Variants in PRKG1 observed in about 807,000 individuals in gnomAD.
The protein encoded by PRKG1 is protein kinase cGMP-dependent 1.
A neutral mutation model predicts 88.1 loss-of-function variants in PRKG1; 35 were observed. The ratio of observed to expected loss-of-function variants is 0.40; its 90% CI spans 0.30 to 0.53. The LOEUF is 0.53. Among genes scored for constraint, PRKG1 ranks in the 20% least tolerant of loss-of-function variants. The pLI is 0.59. For missense variants in PRKG1, 540 were observed against 839.8 expected, an observed-to-expected ratio of 0.64 and a Z score of 4.41; for synonymous variants, 303 against 292.5, an observed-to-expected ratio of 1.04 and a Z score of -0.37.
chr10:51,722,035 G>A (rs1199006635), intron 3 of PRKG1, among the ~76,000 whole-genome samples: 1 of 152,162 alleles, frequency 6.6e-6, no homozygotes, highest in Non-Finnish European at 1.5e-5. Context: ...TTCAAGACCA[G>A]CCTGGCCAAG....
intron 5 of PRKG1, among the ~76,000 whole-genome samples, chr10:51,929,561 G>A (rs528064782): frequency 9.2e-5 from 14 of 152,070 alleles, no homozygotes; most frequent in African/African-American, 3.4e-4. Flanking sequence ...ATGTTGGCCA[G>A]GCTGGCCTTG....
At chr10:51,633,431 T>C (rs1216825525) in intron 3 of PRKG1, among the ~76,000 whole-genome samples, 1 of 151,674 alleles carries the variant, frequency 6.6e-6, no homozygotes, top group Non-Finnish European at 1.5e-5. Flanking sequence ...CAAAAGCACA[T>C]ATAAATCAAG....
At chr10:51,832,259 G>T (rs547547653) in intron 4 of PRKG1, among the ~76,000 whole-genome samples, 1 of 152,180 alleles carries the variant, frequency 6.6e-6, no homozygotes, top group African/African-American at 2.4e-5. Flanking sequence ...TTAAATTCAT[G>T]CTTATTACAC....
chr10:51,415,313 C>T (rs1838206863), intron 2 of PRKG1, among the ~76,000 whole-genome samples: 2 of 152,182 alleles, frequency 1.3e-5, no homozygotes, highest in East Asian at 1.9e-4. Context: ...TCATTTTACA[C>T]ATAAGTAAAA....
chr10:51,933,686 C>G lies in PRKG1; in HGVS notation c.762+26116C>G, dbSNP rs145528239. Among the ~76,000 whole-genome samples, 691 of 151,696 alleles carry G rather than the reference C, an allele frequency of 4.6e-3. 7 individuals carry two copies. Among genetic ancestry groups the G allele is most frequent in the African/African-American group, 0.016 (658 of 41,388 alleles). Reference sequence around the variant, plus strand: ...AAAAAATTTGTGCCTTAGGTTTTCTCTAGTAAATAATAATACTTCTGATGT... The same window carrying G: ...AAAAAATTTGTGCCTTAGGTTTTCTGTAGTAAATAATAATACTTCTGATGT... On this transcript the variant is annotated intron_variant, in intron 5 of 17. Coordinates refer to ENST00000373980, the MANE Select transcript of PRKG1 (RefSeq NM_006258.4).
Position 51,658,147 on chromosome 10 carries a change from G to A in PRKG1, c.593-146438G>A, listed in dbSNP as rs566345206. 6.2e-4 allele frequency among the ~76,000 whole-genome samples: 95 copies of A among 152,208 alleles called. 1 individual carries two copies. In the South Asian group the frequency reaches 0.019, roughly 30 times the overall value. ...TTAACAGAAACTATCCCATTGGCAA[G>A]CAGTACAGTGAATTATATTCAACTG... On this transcript the variant is annotated intron_variant, in intron 3 of 17. Coordinates refer to ENST00000373980, the MANE Select transcript of PRKG1 (RefSeq NM_006258.4).
At chr10:51,127,470 G>A (rs1214416677) in intron 1 of PRKG1, among the ~76,000 whole-genome samples, 3 of 152,120 alleles carry the variant, frequency 2.0e-5, no homozygotes, top group Admixed American at 6.6e-5. Flanking sequence ...AGATGCTGGC[G>A]AGGCTGTGGA....
At chr10:52,202,553 G>C (rs1256381929) in intron 9 of PRKG1, among the ~76,000 whole-genome samples, 1 of 152,064 alleles carries the variant, frequency 6.6e-6, no homozygotes, top group Non-Finnish European at 1.5e-5. Context: ...CATAGAATGA[G>C]TTAGGGAACA....
Position 50,991,442 on chromosome 10 carries a change from C to T in PRKG1, c.64C>T (p.Leu22=), listed in dbSNP as rs1270920831. The T allele has an allele frequency of 2.5e-6, 4 of 1,598,168 alleles. 1 individual carries two copies. The highest frequency in any genetic ancestry group is 2.3e-5 in the South Asian group (2 of 88,132). The change falls in exon 1 of 18, where the codon CTG becomes TTG. Residue 22 remains leucine (L), a synonymous_variant. Transcript: ENST00000401604. The surrounding 1 kb of genome is among the most constrained non-coding windows in gnomAD (Gnocchi z 4.5). Reference sequence around the variant, plus strand: ...GCTCAAGGAGGAGAGGATCAAAGAGCTGGAGAAGCGGCTGTCAGAGAAGGA... The same window carrying T: ...GCTCAAGGAGGAGAGGATCAAAGAGTTGGAGAAGCGGCTGTCAGAGAAGGA...
chr10:51,426,679 A>C (rs990784816), intron 2 of PRKG1, among the ~76,000 whole-genome samples: 3 of 152,066 alleles, frequency 2.0e-5, no homozygotes, highest in Non-Finnish European at 2.9e-5. Context: ...AAAAGACAAA[A>C]ATATATGTGT....
chr10:51,028,238 T>C (rs970529164), intron 1 of PRKG1, among the ~76,000 whole-genome samples: 6 of 152,090 alleles, frequency 3.9e-5, no homozygotes, highest in Admixed American at 1.3e-4. Flanking sequence ...AAATGAAAAA[T>C]ATCTTTGAGG....
intron 17 of PRKG1, 58 bp from the exon 18 acceptor site, chr10:52,293,744 C>A: frequency 7.1e-7 from 1 of 1,406,970 alleles, no homozygotes; most frequent in Non-Finnish European, 1.0e-6. Context: ...CTTAAAAATT[C>A]CAGCTTGGAA....
chr10:51,782,804 G>A (rs1466048399), intron 3 of PRKG1, among the ~76,000 whole-genome samples: 1 of 152,132 alleles, frequency 6.6e-6, no homozygotes, highest in East Asian at 1.9e-4. Context: ...CTTGCCTTCT[G>A]CCATGATTGT....
intron 9 of PRKG1, among the ~76,000 whole-genome samples, chr10:52,228,675 A>G (rs1451719424): frequency 1.3e-5 from 2 of 152,172 alleles, no homozygotes; most frequent in Non-Finnish European, 2.9e-5. Flanking sequence ...GAGCACATGG[A>G]CCTGTAATAA....
chr10:51,598,539 T>C (rs1468798533), intron 3 of PRKG1, among the ~76,000 whole-genome samples: 1 of 152,188 alleles, frequency 6.6e-6, no homozygotes, highest in Non-Finnish European at 1.5e-5. Flanking sequence ...ATTATAGGCG[T>C]CAGCCACCGT....
intron 1 of PRKG1, among the ~76,000 whole-genome samples, chr10:50,994,401 ATTTTTTT>A (rs562018970): frequency 1.5e-4 from 13 of 87,678 alleles, no homozygotes; most frequent in East Asian, 9.4e-4. Context: ...CTCACCTGTA[ATTTTTTT>A]TTTTTTTTTT....
chr10:51,854,540 T>C (rs1840632960), intron 4 of PRKG1, among the ~76,000 whole-genome samples: 1 of 152,126 alleles, frequency 6.6e-6, no homozygotes, highest in Admixed American at 6.6e-5. Flanking sequence ...ACAACCATTA[T>C]AAAAATCACA....
chr10:51,522,819 G>T (rs1436475369), intron 3 of PRKG1, among the ~76,000 whole-genome samples: 1 of 152,080 alleles, frequency 6.6e-6, no homozygotes, highest in Non-Finnish European at 1.5e-5. Flanking sequence ...ATGTGTTGTT[G>T]CTAAGATGAT....
chr10:51,267,215 G>A (rs1183643572), intron 2 of PRKG1, among the ~76,000 whole-genome samples: 2 of 152,158 alleles, frequency 1.3e-5, no homozygotes, highest in African/African-American at 4.8e-5. Flanking sequence ...ATAACATAAT[G>A]ATCACACGTA....
Sources: allele counts gnomAD v4.1 joint callset (sites outside exome capture counted in the v4.1 genomes callset), GRCh38; gene constraint gnomAD v4.1.1; non-coding constraint Gnocchi (gnomAD v3.1); transcripts MANE v1.5; gene names NCBI Gene and HGNC (gene_info 2026-07-23, HGNC 2026-07-21).